Variants in BLTP1 observed in about 807,000 individuals in gnomAD.
The protein encoded by BLTP1 is bridge-like lipid transfer protein family member 1.
the BLTP1 span, among the ~76,000 whole-genome samples, chr4:122,244,384 A>G: frequency 6.6e-6 from 1 of 152,028 alleles, no homozygotes; most frequent in Non-Finnish European, 1.5e-5. Context: ...AACCTTCTGT[A>G]TTGGTGGGTT....
the BLTP1 span, chr4:122,204,924 T>C: frequency 2.0e-6 from 1 of 492,402 alleles, no homozygotes. Flanking sequence ...GAATTTTCTG[T>C]TGTCTATTAA....
the BLTP1 span, among the ~76,000 whole-genome samples, chr4:122,241,762 G>A: frequency 6.6e-6 from 1 of 152,138 alleles, no homozygotes; most frequent in Admixed American, 6.5e-5. Context: ...TAGTACATGT[G>A]GAAATATGTT....
the BLTP1 span, among the ~76,000 whole-genome samples, chr4:122,303,473 G>A: frequency 6.6e-6 from 1 of 152,192 alleles, no homozygotes; most frequent in Non-Finnish European, 1.5e-5. Flanking sequence ...ACTTTCAAGT[G>A]TATGATTTAA....
At chr4:122,198,175 T>C in the BLTP1 span, 1 of 978,380 alleles carries the variant, frequency 1.0e-6, no homozygotes, top group Non-Finnish European at 1.2e-6. Context: ...GATAATCAAT[T>C]GAAAAAGTGA....
the BLTP1 span, among the ~76,000 whole-genome samples, chr4:122,329,373 A>G: frequency 1.4e-3 from 212 of 151,118 alleles, 1 homozygote; most frequent in African/African-American, 4.6e-3. Flanking sequence ...TTGATATTTT[A>G]TATCTGTTTT....
At chr4:122,236,762 G>A in the BLTP1 span, 1 of 961,712 alleles carries the variant, frequency 1.0e-6, no homozygotes, top group Non-Finnish European at 1.2e-6. Context: ...ATTGAAGAAA[G>A]TAAAATTCTT....
At chr4:122,274,536 ATC>A in the BLTP1 span, 2 of 1,472,780 alleles carry the variant, frequency 1.4e-6, no homozygotes, top group African/African-American at 2.9e-5. Flanking sequence ...TATATACAAT[ATC>A]AGTTCCCAGA....
the BLTP1 span, chr4:122,328,307 A>C: frequency 2.0e-3 from 3,270 of 1,610,818 alleles, 58 homozygotes; most frequent in African/African-American, 0.035. Flanking sequence ...AGAAGGATGA[A>C]AAAGATGAAG....
the BLTP1 span, among the ~76,000 whole-genome samples, chr4:122,164,712 T>C: frequency 7.2e-5 from 11 of 152,212 alleles, no homozygotes; most frequent in Non-Finnish European, 1.5e-4. Flanking sequence ...TGGACTCAGA[T>C]ACCTGTTTTA....
the BLTP1 span, chr4:122,266,907 A>T: frequency 5.6e-6 from 9 of 1,609,036 alleles, no homozygotes; most frequent in Non-Finnish European, 5.9e-6. Context: ...CTCAGAGCAG[A>T]TATTGTGGAT....
the BLTP1 span, among the ~76,000 whole-genome samples, chr4:122,271,884 G>C: frequency 2.8e-4 from 42 of 152,228 alleles, no homozygotes; most frequent in African/African-American, 9.6e-4. Flanking sequence ...ATGGAATTCA[G>C]ATATCCTGCC....
At chr4:122,184,639 C>CAA in the BLTP1 span, 13 of 919,804 alleles carry the variant, frequency 1.4e-5, no homozygotes, top group African/African-American at 1.5e-4. Context: ...GACTCCGTCT[C>CAA]AAAAAAAAAC....
the BLTP1 span, chr4:122,249,494 C>G: frequency 2.5e-6 from 4 of 1,612,688 alleles, no homozygotes; most frequent in Non-Finnish European, 3.4e-6. Flanking sequence ...GACATTGGGA[C>G]CTGTGCAATC....
At chr4:122,240,362 C>T in the BLTP1 span, 1 of 1,600,866 alleles carries the variant, frequency 6.2e-7, no homozygotes, top group African/African-American at 1.3e-5. Context: ...AGGTATAAAC[C>T]AAATCATTAG....
the BLTP1 span, among the ~76,000 whole-genome samples, chr4:122,253,754 C>T: frequency 6.6e-6 from 1 of 152,062 alleles, no homozygotes; most frequent in African/African-American, 2.4e-5. Context: ...CAACAGAGAA[C>T]TTCCCAAACC....
At chr4:122,212,675 A>G in the BLTP1 span, among the ~76,000 whole-genome samples, 1 of 152,190 alleles carries the variant, frequency 6.6e-6, no homozygotes, top group Non-Finnish European at 1.5e-5. Flanking sequence ...CTAACAAAAC[A>G]GAATACAGTG....
the BLTP1 span, among the ~76,000 whole-genome samples, chr4:122,278,628 G>C: frequency 6.6e-6 from 1 of 152,114 alleles, no homozygotes; most frequent in Non-Finnish European, 1.5e-5. Context: ...CCAAAAAACT[G>C]TTGCCATGAC....
chr4:122,210,122 C>A, the BLTP1 span: 1 of 382,602 alleles, frequency 2.6e-6, no homozygotes, highest in Non-Finnish European at 3.6e-6. Context: ...AATTTTCTGG[C>A]TTCTATTATC....
At chr4:122,304,667 C>G in the BLTP1 span, 1 of 1,432,426 alleles carries the variant, frequency 7.0e-7, no homozygotes, top group South Asian at 1.5e-5. Context: ...CCCATATTAT[C>G]TCCAAGGTAT....
Sources: gnomAD v4.1 joint callset for allele counts (sites outside exome capture counted in the v4.1 genomes callset) on GRCh38, gnomAD v4.1.1 for gene constraint, MANE v1.5 for transcripts, NCBI Gene and HGNC (gene_info 2026-07-23, HGNC 2026-07-21) for gene names.